The following RNF180 variants were observed in gnomAD, a reference collection of about 807,000 sequenced individuals.
RNF180 encodes ring finger protein 180.
A neutral mutation model predicts 59.2 loss-of-function variants in RNF180; 38 were observed. The ratio of observed to expected loss-of-function variants is 0.64; its 90% confidence interval spans 0.50 to 0.84. RNF180 has a LOEUF of 0.84. RNF180 is among the 40% of genes least tolerant of loss of function. The pLI, the probability that RNF180 is intolerant of heterozygous loss-of-function variation, is 0.00. For synonymous variants in RNF180, 262 were observed against 240.3 expected (o/e 1.09, Z -0.84); for missense variants, 705 against 700.9 (o/e 1.01, Z -0.07).
chr5:64,176,433 T>G (rs1750240578), intron 1 of RNF180, among the ~76,000 whole-genome samples: 1 of 152,160 alleles, frequency 6.6e-6, no homozygotes, highest in Admixed American at 6.5e-5. Flanking sequence ...GTATTGTTCT[T>G]TTTAGTCTCT....
At chr5:64,245,011 A>G (rs1451203281) in intron 5 of RNF180, among the ~76,000 whole-genome samples, 2 of 152,254 alleles carry the variant, frequency 1.3e-5, no homozygotes, top group Non-Finnish European at 2.9e-5. Context: ...CAAAGGAGAA[A>G]TAAAATCCTT....
chr5:64,226,289 A>G (rs1347619563), intron 5 of RNF180, among the ~76,000 whole-genome samples: 3 of 152,236 alleles, frequency 2.0e-5, no homozygotes, highest in African/African-American at 7.2e-5. Context: ...AGAAGTAGAC[A>G]TAGGAGACTC....
In RNF180 at chr5:64,326,729, G is replaced by A. The variant is rs1022959563; in HGVS notation, c.1453+1318G>A. Reference sequence around the variant, plus strand: ...GGATTCCGTTTGCTAGTATTTTATTGAGGATTTTTGCATCTATTTTCATCA... The same window carrying A: ...GGATTCCGTTTGCTAGTATTTTATTAAGGATTTTTGCATCTATTTTCATCA... On this transcript the variant is annotated intron_variant, in intron 6 of 7. Coordinates refer to ENST00000389100, the MANE Select transcript of RNF180 (RefSeq NM_001113561.2). 2.6e-5 allele frequency among the ~76,000 whole-genome samples: 4 copies of A among 152,236 alleles called. No homozygotes were observed. In the South Asian group the frequency reaches 8.3e-4, roughly 32 times the overall value.
intron 5 of RNF180, among the ~76,000 whole-genome samples, chr5:64,247,835 A>G (rs948820325): frequency 2.0e-5 from 3 of 152,242 alleles, no homozygotes; most frequent in African/African-American, 7.2e-5. Context: ...AGCTGGAACT[A>G]TCACGCTACC....
chr5:64,289,187 T>C (rs1742444232), intron 5 of RNF180, among the ~76,000 whole-genome samples: 1 of 152,236 alleles, frequency 6.6e-6, no homozygotes, highest in Non-Finnish European at 1.5e-5. Context: ...ATGTGAGAAA[T>C]CACATTTATT....
intron 5 of RNF180, among the ~76,000 whole-genome samples, chr5:64,274,342 C>T (rs1741596609): frequency 6.6e-6 from 1 of 151,380 alleles, no homozygotes; most frequent in Non-Finnish European, 1.5e-5. Context: ...TCTTAACACG[C>T]TCATTTTTAA....
At chr5:64,268,190 A>G (rs1580147839) in intron 5 of RNF180, among the ~76,000 whole-genome samples, 1 of 152,110 alleles carries the variant, frequency 6.6e-6, no homozygotes, top group Non-Finnish European at 1.5e-5. Flanking sequence ...CTTTACTTTT[A>G]GCTAGCGTTA....
intron 5 of RNF180, among the ~76,000 whole-genome samples, chr5:64,268,947 C>A (rs1744847325): frequency 6.6e-6 from 1 of 151,926 alleles, no homozygotes; most frequent in Non-Finnish European, 1.5e-5. Flanking sequence ...AGGAAACCCC[C>A]AACCCTCTTA....
chr5:64,276,685 T>TA (rs1481253172), intron 5 of RNF180, among the ~76,000 whole-genome samples: 1 of 151,878 alleles, frequency 6.6e-6, no homozygotes, highest in Non-Finnish European at 1.5e-5. Context: ...TTTGATTTAT[T>TA]AAAAAAATTT....
chr5:64,345,724 G>C (rs145710553), intron 7 of RNF180, among the ~76,000 whole-genome samples: 2 of 152,122 alleles, frequency 1.3e-5, no homozygotes, highest in African/African-American at 4.8e-5. Context: ...ACAATTTGCT[G>C]TTCTTCATGT....
At chr5:64,333,129 T>G (rs1226361887) in intron 7 of RNF180, among the ~76,000 whole-genome samples, 9 of 152,228 alleles carry the variant, frequency 5.9e-5, no homozygotes, top group African/African-American at 2.2e-4. Context: ...CTGTAAAAAT[T>G]TAATATCTAG....
At position 64,240,489 on chromosome 5, in the gene RNF180, T is replaced by C. The variant is rs1019285191; in HGVS notation, c.1227+23093T>C. On this transcript the variant is annotated intron_variant, in intron 5 of 7. Transcript: ENST00000389100. ...TCATTACTAAACTTTGTTATTGCAG[T>C]TAAACATGCTAACATGTGTACCTGA... Among the ~76,000 whole-genome samples, 7 of 152,336 alleles carry C rather than the reference T, an allele frequency of 4.6e-5. No homozygotes were observed. The South Asian group carries it at 1.0e-3, about 23-fold the overall frequency.
chr5:64,305,936 T>C (rs1171125405), intron 5 of RNF180, among the ~76,000 whole-genome samples: 2 of 151,726 alleles, frequency 1.3e-5, no homozygotes, highest in South Asian at 2.1e-4. Context: ...AATCTGTTTA[T>C]ACATGGTTTC....
chr5:64,334,480 T>A (rs2112547431), intron 7 of RNF180, among the ~76,000 whole-genome samples: 1 of 152,128 alleles, frequency 6.6e-6, no homozygotes, highest in South Asian at 2.1e-4. Flanking sequence ...TGAAAAAAAA[T>A]CGCACATAGG....
intron 2 of RNF180, among the ~76,000 whole-genome samples, chr5:64,204,446 T>C (rs561590451): frequency 1.3e-5 from 2 of 152,192 alleles, no homozygotes; most frequent in African/African-American, 2.4e-5. Flanking sequence ...TAATTTCACG[T>C]CTTCACCAAC....
chr5:64,292,594 A>T (rs1304160492), intron 5 of RNF180, among the ~76,000 whole-genome samples: 1 of 152,184 alleles, frequency 6.6e-6, no homozygotes, highest in Non-Finnish European at 1.5e-5. Context: ...GGTCTCACCC[A>T]GTCACGAGGG....
intron 5 of RNF180, among the ~76,000 whole-genome samples, chr5:64,294,653 A>G (rs538457475): frequency 6.6e-6 from 1 of 152,332 alleles, no homozygotes; most frequent in East Asian, 1.9e-4. Context: ...CTTCCCACAG[A>G]ATATATATGT....
At chr5:64,202,600 A>T (rs1407495186) in intron 2 of RNF180, among the ~76,000 whole-genome samples, 2 of 152,208 alleles carry the variant, frequency 1.3e-5, no homozygotes, top group South Asian at 2.1e-4. Context: ...CGGTAGCAAC[A>T]TATGAGAATT....
intron 5 of RNF180, among the ~76,000 whole-genome samples, chr5:64,218,510 C>T (rs1218388835): frequency 6.6e-6 from 1 of 151,926 alleles, no homozygotes; most frequent in African/African-American, 2.4e-5. Context: ...CCCTTTTTTC[C>T]TGTGACTTTG....
Sources: allele counts gnomAD v4.1 joint callset (sites outside exome capture counted in the v4.1 genomes callset), GRCh38; gene constraint gnomAD v4.1.1; transcripts MANE v1.5; gene names NCBI Gene and HGNC (gene_info 2026-07-23, HGNC 2026-07-21).